CEP63: variants seen among roughly 807,000 people sequenced by gnomAD.
The protein encoded by CEP63 is centrosomal protein 63.
A neutral mutation model predicts 89.1 loss-of-function variants in CEP63; 84 were observed. The ratio of observed to expected loss-of-function variants is 0.94; its 90% CI spans 0.79 to 1.13. The LOEUF (loss-of-function observed/expected upper bound fraction) is 1.13. Ranked by LOEUF, CEP63 falls within the 50% of genes most tolerant of loss-of-function variation. The pLI is 0.00. For missense variants in CEP63, 838 were observed against 813.3 expected (o/e 1.03, Z -0.37); for synonymous variants, 267 against 272.5 (o/e 0.98, Z 0.20).
At chr3:134,721,336 A>G in the CEP63 span, among the ~76,000 whole-genome samples, 1 of 152,124 alleles carries the variant, frequency 6.6e-6, no homozygotes, top group East Asian at 1.9e-4. Flanking sequence ...ATTCTGCCAC[A>G]TTGCTGAACT....
chr3:134,682,531 C>G, the CEP63 span, among the ~76,000 whole-genome samples: 1 of 152,138 alleles, frequency 6.6e-6, no homozygotes, highest in Non-Finnish European at 1.5e-5. Context: ...CTTTCTGAAT[C>G]GCTACTTCTG....
the CEP63 span, among the ~76,000 whole-genome samples, chr3:134,765,629 T>A: frequency 1.3e-5 from 2 of 152,182 alleles, no homozygotes; most frequent in South Asian, 4.1e-4. Context: ...GGCAGGACTT[T>A]GTCATGGTGT....
the CEP63 span, among the ~76,000 whole-genome samples, chr3:134,717,301 G>A: frequency 6.6e-6 from 1 of 152,140 alleles, no homozygotes; most frequent in African/African-American, 2.4e-5. Context: ...GTTTCTTTGA[G>A]GTTGGCAGTG....
the CEP63 span, among the ~76,000 whole-genome samples, chr3:134,652,741 T>C: frequency 6.6e-6 from 1 of 152,186 alleles, no homozygotes; most frequent in African/African-American, 2.4e-5. Context: ...TGCAAAGCTC[T>C]TGGGGTGTTG....
the CEP63 span, among the ~76,000 whole-genome samples, chr3:134,714,535 C>T: frequency 1.3e-5 from 2 of 152,216 alleles, no homozygotes; most frequent in Admixed American, 6.5e-5. Flanking sequence ...GAAAGAGGCA[C>T]ATTGCTGGGG....
At chr3:134,595,784 T>C in the CEP63 span, among the ~76,000 whole-genome samples, 3 of 152,180 alleles carry the variant, frequency 2.0e-5, no homozygotes, top group African/African-American at 4.8e-5. Context: ...CTTTGTCTTT[T>C]TTACACTTCA....
At chr3:134,616,922 A>G in the CEP63 span, among the ~76,000 whole-genome samples, 1 of 152,220 alleles carries the variant, frequency 6.6e-6, no homozygotes, top group East Asian at 1.9e-4. Context: ...CAGGTAGGCA[A>G]TCTAGTCTCC....
At chr3:134,491,845 C>G (rs556430552) in intron 1 of CEP63, among the ~76,000 whole-genome samples, 15 of 152,034 alleles carry the variant, frequency 9.9e-5, no homozygotes, top group Non-Finnish European at 1.8e-4. Flanking sequence ...TAGGCATATC[C>G]CTTCTCTTAG....
chr3:134,740,722 G>A, the CEP63 span, among the ~76,000 whole-genome samples: 75 of 152,134 alleles, frequency 4.9e-4, no homozygotes, highest in Non-Finnish European at 9.0e-4. Context: ...GCACATTAAA[G>A]TTGAGAAACA....
At chr3:134,722,003 T>C in the CEP63 span, among the ~76,000 whole-genome samples, 1 of 152,168 alleles carries the variant, frequency 6.6e-6, no homozygotes, top group Admixed American at 6.5e-5. Context: ...AGTTGGAAAG[T>C]GTTTCCGTCT....
the CEP63 span, chr3:134,650,954 G>A: frequency 6.2e-7 from 1 of 1,613,218 alleles, no homozygotes; most frequent in Non-Finnish European, 8.5e-7. Context: ...TCCTTCTTCA[G>A]CTCCATGATG....
chr3:134,522,410 C>G (rs1220815805), intron 3 of CEP63, among the ~76,000 whole-genome samples: 1 of 151,954 alleles, frequency 6.6e-6, no homozygotes, highest in African/African-American at 2.4e-5. Flanking sequence ...AAGAAGAGAG[C>G]CAAATGAGAG....
At chr3:134,651,291 C>T in the CEP63 span, 5 of 1,188,378 alleles carry the variant, frequency 4.2e-6, no homozygotes, top group African/African-American at 1.6e-5. Context: ...GCCTCCCGCC[C>T]GGTGCACTTG....
At chr3:134,625,194 C>G in the CEP63 span, 1 of 1,345,824 alleles carries the variant, frequency 7.4e-7, no homozygotes, top group Non-Finnish European at 1.0e-6. Context: ...GCTGCCTGGC[C>G]TAGGCCTTGC....
At chr3:134,740,261 TTTTCTTTTA>T in the CEP63 span, among the ~76,000 whole-genome samples, 1 of 142,418 alleles carries the variant, frequency 7.0e-6, no homozygotes, top group Non-Finnish European at 1.5e-5. Flanking sequence ...GCACTTATTC[TTTTCTTTTA>T]TTTATTTATT....
chr3:134,699,619 G>C, the CEP63 span, among the ~76,000 whole-genome samples: 2 of 152,210 alleles, frequency 1.3e-5, no homozygotes, highest in Non-Finnish European at 2.9e-5. Context: ...CTCCTTGTCT[G>C]TCTGCCTTGT....
intron 10 of CEP63, among the ~76,000 whole-genome samples, chr3:134,580,025 A>G (rs1958306985): frequency 1.3e-5 from 2 of 152,102 alleles, no homozygotes; most frequent in African/African-American, 4.8e-5. Flanking sequence ...GTGAAATCCC[A>G]TCTCTACAAA....
At chr3:134,693,852 G>A in the CEP63 span, among the ~76,000 whole-genome samples, 3 of 152,164 alleles carry the variant, frequency 2.0e-5, no homozygotes, top group Non-Finnish European at 4.4e-5. Context: ...ACCGATTACC[G>A]GGGGCCTGGT....
chr3:134,643,889 C>T, the CEP63 span, among the ~76,000 whole-genome samples: 34 of 150,638 alleles, frequency 2.3e-4, no homozygotes, highest in Non-Finnish European at 4.3e-4. Context: ...TGCAGTGGCG[C>T]GATCTCTGCT....
Sources: allele counts gnomAD v4.1 joint callset (sites outside exome capture counted in the v4.1 genomes callset), GRCh38; gene constraint gnomAD v4.1.1; transcripts MANE v1.5; gene names NCBI Gene and HGNC (gene_info 2026-07-23, HGNC 2026-07-21).